The following MYO16 variants were observed in gnomAD, a reference collection of about 807,000 sequenced individuals.
MYO16 encodes the protein unconventional myosin-XVI.
In MYO16, 94 loss-of-function variants were observed where a neutral mutation model predicts 205.3. The observed-to-expected ratio is 0.46, with a 90% CI of 0.39 to 0.54. MYO16 has a LOEUF of 0.54. Ranked by LOEUF, MYO16 falls within the 20% of genes least tolerant of loss-of-function variation. The pLI, the probability that MYO16 is intolerant of heterozygous loss-of-function variation, is 0.00. For missense variants in MYO16, 2,315 were observed against 2,387.5 expected (o/e 0.97, Z 0.63); for synonymous variants, 988 against 954.0 (o/e 1.04, Z -0.66).
chr13:108,598,201 G>T (rs1200546608), intron 1 of MYO16, among the ~76,000 whole-genome samples: 1 of 152,138 alleles, frequency 6.6e-6, no homozygotes, highest in Non-Finnish European at 1.5e-5. Flanking sequence ...TGTGCAACAG[G>T]GCACAGAATG....
In MYO16 at chr13:108,824,874, T is replaced by C. The variant is rs373375896; in HGVS notation, c.1097+1596T>C. ...AACTAACTCAAGAAGAAAGAGAACA[T>C]TGGAATAGACCTACAGCAAGTAAAG... On this transcript the variant is annotated intron_variant, in intron 9 of 34. Coordinates refer to ENST00000457511, the MANE Select transcript of MYO16 (RefSeq NM_001198950.3). Among the ~76,000 whole-genome samples, 3 of 152,014 alleles carry C rather than the reference T, an allele frequency of 2.0e-5. No individual in the cohort carries two copies. In the East Asian group the frequency reaches 5.8e-4, roughly 29 times the overall value.
At chr13:109,022,166 C>A in intron 23 of MYO16, among the ~76,000 whole-genome samples, 1 of 123,382 alleles carries the variant, frequency 8.1e-6, no homozygotes. Flanking sequence ...TTTATATATA[C>A]AAATATATAT....
intron 21 of MYO16, among the ~76,000 whole-genome samples, chr13:109,001,870 C>G (rs12876410): frequency 0.023 from 3,545 of 152,252 alleles, 56 homozygotes; most frequent in Non-Finnish European, 0.036. Flanking sequence ...TAGTGTTCTG[C>G]TGAACATATT....
intron 9 of MYO16, among the ~76,000 whole-genome samples, chr13:108,829,449 T>C (rs934995878): frequency 6.6e-6 from 1 of 152,230 alleles, no homozygotes; most frequent in Non-Finnish European, 1.5e-5. Context: ...GCTTTTAAAC[T>C]GATTATAACC....
intron 4 of MYO16, among the ~76,000 whole-genome samples, chr13:108,755,000 T>C (rs1885375598): frequency 6.6e-6 from 1 of 152,090 alleles, no homozygotes; most frequent in South Asian, 2.1e-4. Context: ...GTTAATGTCA[T>C]AAAAAGTTAT....
chr13:109,109,581 A>C (rs1889221874), intron 28 of MYO16, among the ~76,000 whole-genome samples: 1 of 150,252 alleles, frequency 6.7e-6, no homozygotes, highest in Non-Finnish European at 1.5e-5. Context: ...AGCCGAGAAC[A>C]CGAAGGGAGG....
intron 31 of MYO16, among the ~76,000 whole-genome samples, chr13:109,138,975 C>T (rs1265904991): frequency 6.6e-6 from 1 of 152,056 alleles, no homozygotes; most frequent in African/African-American, 2.4e-5. Flanking sequence ...CGTGCCACCT[C>T]GCCCAGCTAA....
At chr13:108,742,178 G>A (rs550121912) in intron 4 of MYO16, among the ~76,000 whole-genome samples, 1 of 152,142 alleles carries the variant, frequency 6.6e-6, no homozygotes, top group East Asian at 1.9e-4. Context: ...ATTTTTAGTA[G>A]AGACGGGTTT....
chr13:108,699,096 CTA>C (rs10590969), intron 2 of MYO16, among the ~76,000 whole-genome samples: 17,261 of 132,154 alleles, frequency 0.13, 1,208 homozygotes, highest in African/African-American at 0.21. Context: ...CTCTCTCTCT[CTA>C]TATATATATA....
In MYO16 at chr13:108,813,381, G is replaced by T. The variant is rs369990550; in HGVS notation, c.867+6577G>T. ...GCTTAGGTATATGTAATTCAAGTGG[G>T]GTATGCAAGTACTGAGTTTCTGAGA... On this transcript the variant is annotated intron_variant, in intron 7 of 34. Coordinates refer to ENST00000457511, the MANE Select transcript of MYO16 (RefSeq NM_001198950.3). 1.3e-3 allele frequency among the ~76,000 whole-genome samples: 201 copies of T among 152,070 alleles called. 1 individual carries two copies. The highest frequency in any genetic ancestry group is 4.7e-3 in the African/African-American group (196 of 41,482).
the MYO16 span, among the ~76,000 whole-genome samples, chr13:108,556,386 G>A: frequency 6.6e-6 from 1 of 152,086 alleles, no homozygotes; most frequent in Non-Finnish European, 1.5e-5. Flanking sequence ...TGATTAGTGA[G>A]TTTGAGCCTT....
intron 3 of MYO16, among the ~76,000 whole-genome samples, chr13:108,720,172 A>G (rs1022652022): frequency 2.0e-5 from 3 of 152,198 alleles, no homozygotes; most frequent in Admixed American, 2.0e-4. Flanking sequence ...ATGAAAAGCA[A>G]AAATAAGTAT....
intron 23 of MYO16, among the ~76,000 whole-genome samples, chr13:109,041,485 A>C (rs919936076): frequency 6.6e-6 from 1 of 152,236 alleles, no homozygotes; most frequent in Non-Finnish European, 1.5e-5. Flanking sequence ...TCCTTAAAGC[A>C]TGTTACACAT....
At chr13:108,651,017 G>C (rs113992687) in intron 1 of MYO16, among the ~76,000 whole-genome samples, 2 of 152,166 alleles carry the variant, frequency 1.3e-5, no homozygotes, top group Admixed American at 6.5e-5. Context: ...AGGTAGACAC[G>C]AGACACAGAG....
chr13:108,841,000 A>C (rs1877213521), intron 9 of MYO16, among the ~76,000 whole-genome samples: 1 of 152,234 alleles, frequency 6.6e-6, no homozygotes, highest in African/African-American at 2.4e-5. Flanking sequence ...ATGCAATGCT[A>C]ATCAAAATCA....
intron 2 of MYO16, among the ~76,000 whole-genome samples, chr13:108,686,380 C>T (rs1474119968): frequency 6.6e-6 from 1 of 152,184 alleles, no homozygotes; most frequent in Admixed American, 6.5e-5. Context: ...AAAGATATCA[C>T]ACGTATTAAA....
At chr13:108,985,468 G>A (rs960515360) in intron 20 of MYO16, among the ~76,000 whole-genome samples, 58 of 152,174 alleles carry the variant, frequency 3.8e-4, no homozygotes, top group African/African-American at 1.4e-3. Context: ...GTGGACCTCC[G>A]CTTTGACAGC....
At chr13:108,520,086 T>C in the MYO16 span, among the ~76,000 whole-genome samples, 8 of 152,268 alleles carry the variant, frequency 5.3e-5, no homozygotes, top group Admixed American at 2.6e-4. Context: ...CATTTAACAT[T>C]CATTTTCCGT....
intron 2 of MYO16, among the ~76,000 whole-genome samples, chr13:108,711,600 G>A (rs1257956959): frequency 1.3e-5 from 2 of 152,310 alleles, no homozygotes; most frequent in Middle Eastern, 3.4e-3. Context: ...GCATAGTCAC[G>A]ATGTCTGCCA....
Sources: allele counts gnomAD v4.1 joint callset (sites outside exome capture counted in the v4.1 genomes callset), GRCh38; gene constraint gnomAD v4.1.1; transcripts MANE v1.5; gene names NCBI Gene and HGNC (gene_info 2026-07-23, HGNC 2026-07-21).